Variants in MTMR10 observed in about 807,000 individuals in gnomAD.
The protein encoded by MTMR10 is myotubularin related protein 10, also known as myotubularin-related protein 10.
In MTMR10, 56 loss-of-function variants were observed where a neutral mutation model predicts 88.1. The observed-to-expected ratio is 0.64, with a 90% CI of 0.51 to 0.79. MTMR10 has a LOEUF of 0.79. Ranked by LOEUF, MTMR10 falls within the 30% of genes least tolerant of loss-of-function variation. MTMR10 has a pLI of 0.00. For missense variants in MTMR10, 883 were observed against 924.7 expected, an observed-to-expected ratio of 0.95 and a Z score of 0.58; for synonymous variants, 380 against 340.9, an observed-to-expected ratio of 1.11 and a Z score of -1.26.
rs10608023 is a variant in MTMR10, at chr15:30,940,274, A to ATACTT, written c.*1191_*1195dup. 4.1e-5 allele frequency: 40 copies of ATACTT among 984,984 alleles called. No individual in the cohort carries two copies. In the South Asian group the frequency reaches 4.2e-4, roughly 10 times the overall value. The allele number at this position is 984,984 out of a possible 1,614,324, so 61.0% of individuals were successfully genotyped here. A position where few individuals can be genotyped will look rare whatever the true frequency, so the allele number is the denominator to read the frequency against. On this transcript the variant is annotated 3_prime_UTR_variant, in exon 16 of 16. Transcript: ENST00000435680. The stretch of plus-strand genomic sequence containing the variant: ...TAGGCTCTTGTCACACAGTTTGGAA[A>ATACTT]TACTTTACTTTAGAGAGATTCAGAT...
chr15:30,925,217 GA>G, the MTMR10 span: 5 of 1,613,992 alleles, frequency 3.1e-6, no homozygotes, highest in Middle Eastern at 1.6e-4. Flanking sequence ...GCGCCTGCGA[GA>G]GTCTCCGAGC....
intron 2 of MTMR10, among the ~76,000 whole-genome samples, chr15:30,977,669 G>C (rs1461436586): frequency 6.7e-6 from 1 of 150,212 alleles, no homozygotes; most frequent in Non-Finnish European, 1.5e-5. Context: ...TCTGTCTCCA[G>C]GGTCAATGGT....
At chr15:30,978,023 G>A (rs112638751) in intron 2 of MTMR10, among the ~76,000 whole-genome samples, 2,274 of 152,252 alleles carry the variant, frequency 0.015, 58 homozygotes, top group African/African-American at 0.052. Flanking sequence ...TACCCAGCCA[G>A]CTACCAGCCT....
chr15:30,929,043 T>A, the MTMR10 span, among the ~76,000 whole-genome samples: 1 of 152,188 alleles, frequency 6.6e-6, no homozygotes, highest in African/African-American at 2.4e-5. Flanking sequence ...AAAAAACAAG[T>A]TTAATAAATT....
the MTMR10 span, among the ~76,000 whole-genome samples, chr15:30,919,692 G>GA: frequency 0.21 from 26,823 of 129,236 alleles, 3,158 homozygotes; most frequent in African/African-American, 0.35. Flanking sequence ...CTGTCTCGGG[G>GA]AAAAAAAAAA....
chr15:30,929,443 C>T, the MTMR10 span: 344 of 1,465,396 alleles, frequency 2.3e-4, no homozygotes, highest in Non-Finnish European at 2.9e-4. Flanking sequence ...AAGTTAACAC[C>T]GCCCCAGTGC....
At chr15:30,950,337 T>C (rs2949570) in intron 12 of MTMR10, 64,445 of 152,002 alleles carry the variant, frequency 0.42, 14,707 homozygotes, top group East Asian at 0.85. Context: ...GATTTTTGCC[T>C]TGTTAAAGTC....
Position 30,941,343 on chromosome 15 carries a change from T to C in MTMR10, c.*127A>G, listed in dbSNP as rs2063045111. On this transcript the variant is annotated 3_prime_UTR_variant, in exon 16 of 16. Transcript: ENST00000435680. ...CATGATTCAACATGTTTTTAAATAT[T>C]AGTGCAAATTCCAACTATTATTCTT... The C allele has an allele frequency of 3.9e-6, 6 of 1,534,914 alleles. No individual in the cohort carries two copies. Among genetic ancestry groups the C allele is most frequent in the Non-Finnish European group, 5.2e-6 (6 of 1,144,602 alleles).
At chr15:30,961,613 T>A (rs907244040) in intron 6 of MTMR10, among the ~76,000 whole-genome samples, 1 of 152,180 alleles carries the variant, frequency 6.6e-6, no homozygotes, top group African/African-American at 2.4e-5. Flanking sequence ...GATTTTTCTC[T>A]CCTTCTACTG....
chr15:30,948,703 T>C (rs376754510), intron 12 of MTMR10: 10 of 561,918 alleles, frequency 1.8e-5, no homozygotes, highest in African/African-American at 1.1e-4. Flanking sequence ...TGCCAGATAA[T>C]AGAAGCTCAT....
chr15:30,920,913 A>G, the MTMR10 span, among the ~76,000 whole-genome samples: 3 of 152,162 alleles, frequency 2.0e-5, no homozygotes, highest in African/African-American at 7.2e-5. Flanking sequence ...CCTCCTGAGT[A>G]GCTGGGACTA....
rs562981821 is a variant in MTMR10, at chr15:30,973,929, A to G, written c.474+385T>C. Among the ~76,000 whole-genome samples the G allele has an allele frequency of 2.6e-5, 4 of 152,344 alleles. No individual in the cohort carries two copies. In the East Asian group the frequency reaches 7.7e-4, roughly 29 times the overall value. ...CCTAAATCTTATGTAACATAAGTCT[A>G]GCTTACAGTTTGTTGGTAAAGTTCT... On this transcript the variant is annotated intron_variant, in intron 5 of 15. Coordinates refer to ENST00000435680, the MANE Select transcript of MTMR10 (RefSeq NM_017762.3).
the MTMR10 span, among the ~76,000 whole-genome samples, chr15:30,929,923 T>TATATAATATATAAAATATATATATC: frequency 1.5e-3 from 57 of 38,458 alleles, no homozygotes; most frequent in East Asian, 0.021. Flanking sequence ...ATATATATCA[T>TATATAATATATAAAATATATATATC]ATATAATATA....
intron 2 of MTMR10, among the ~76,000 whole-genome samples, chr15:30,983,777 G>T (rs2030748981): frequency 6.6e-6 from 1 of 152,162 alleles, no homozygotes; most frequent in Non-Finnish European, 1.5e-5. Context: ...GGTCACCCTA[G>T]CTTTAGGTAA....
the MTMR10 span, chr15:30,920,499 T>G: frequency 1.6e-6 from 2 of 1,244,614 alleles, no homozygotes; most frequent in Non-Finnish European, 2.3e-6. Context: ...TGTCTTATAA[T>G]AAATTAACCA....
chr15:30,981,149 A>G (rs1377621792), intron 2 of MTMR10, among the ~76,000 whole-genome samples: 5 of 152,244 alleles, frequency 3.3e-5, no homozygotes, highest in African/African-American at 1.2e-4. Flanking sequence ...TATTTGTATA[A>G]GCACAAAGCT....
chr15:30,941,844 T>C lies in MTMR10; in HGVS notation c.1960A>G (p.Ile654Val). The change falls in exon 16 of 16, where the codon ATA (isoleucine) becomes GTA (valine). Residue 654 changes from isoleucine (I) to valine (V), a missense_variant. Physicochemically the swap from Ile to Val is conservative, Grantham distance 29. Transcript: ENST00000435680. Reference protein sequence around the residue: ...VILPRVSGTHIKLWKLCYFRW... With the variant: ...VILPRVSGTHVKLWKLCYFRW... ...AAGTAGCACAGTTTCCACAGTTTTA[T>C]GTGTGTTCCAGAGACACGTGGCAGA... The C allele has an allele frequency of 1.9e-6, 3 of 1,614,048 alleles. No individual in the cohort carries two copies. Among genetic ancestry groups the C allele is most frequent in the East Asian group, 2.2e-5 (1 of 44,890 alleles).
At chr15:30,937,773 TAA>T (rs1202021703), downstream of MTMR10, among the ~76,000 whole-genome samples, 1 of 152,020 alleles carries the variant, frequency 6.6e-6, no homozygotes, top group African/African-American at 2.4e-5. Context: ...TGAACTTTTT[TAA>T]AAGAGAAAAA....
chr15:30,931,779 T>C, the MTMR10 span, among the ~76,000 whole-genome samples: 3 of 152,160 alleles, frequency 2.0e-5, no homozygotes, highest in Admixed American at 2.0e-4. Flanking sequence ...ATTGATCTGT[T>C]TGTCTGTATT....
Sources: gnomAD v4.1 joint callset for allele counts (sites outside exome capture counted in the v4.1 genomes callset) on GRCh38, gnomAD v4.1.1 for gene constraint, MANE v1.5 for transcripts, NCBI Gene and HGNC (gene_info 2026-07-23, HGNC 2026-07-21) for gene names.